WNK3: variants seen among roughly 807,000 people sequenced by gnomAD.
WNK3 encodes the protein WNK lysine deficient protein kinase 3, also known as serine/threonine-protein kinase WNK3.
WNK3 carries 18 observed loss-of-function variants against 116.7 expected under a neutral mutation model. The ratio of observed to expected loss-of-function variants is 0.15; its 90% CI spans 0.11 to 0.23. WNK3 has a LOEUF of 0.23. Ranked by LOEUF, WNK3 falls within the 10% of genes least tolerant of loss-of-function variation. WNK3 has a pLI of 1.00. For synonymous variants in WNK3, 404 were observed against 469.4 expected, an observed-to-expected ratio of 0.86 and a Z score of 1.80; for missense variants, 993 against 1,323.8, an observed-to-expected ratio of 0.75 and a Z score of 3.88.
chrX:54,242,472 T>C (rs1480499214), intron 17 of WNK3, among the ~76,000 whole-genome samples: 1 of 111,984 alleles, frequency 8.9e-6, no homozygotes, highest in Admixed American at 9.5e-5. Flanking sequence ...AGCCAAAAAA[T>C]ATTTAAAAAG....
intron 21 of WNK3, among the ~76,000 whole-genome samples, chrX:54,229,059 A>G (rs782549479): frequency 8.9e-6 from 1 of 111,900 alleles, no homozygotes; most frequent in Non-Finnish European, 1.9e-5. Context: ...CAAAGAATCT[A>G]TAAGAAAACT....
chrX:54,225,094 A>T (rs1227195017), intron 22 of WNK3, among the ~76,000 whole-genome samples: 1 of 107,748 alleles, frequency 9.3e-6, no homozygotes, highest in Admixed American at 1.0e-4. Flanking sequence ...AATAAAAAAA[A>T]AAAATAGCAG....
chrX:54,280,296 C>CAA (rs201683615), intron 10 of WNK3, among the ~76,000 whole-genome samples: 7 of 78,434 alleles, frequency 8.9e-5, no homozygotes, highest in Non-Finnish European at 1.5e-4. Context: ...GACTCTGTCT[C>CAA]AAAAAAAAAA....
At chrX:54,237,656 A>G in intron 19 of WNK3, 105 bp from the exon 20 acceptor site, 1 of 806,827 alleles carries the variant, frequency 1.2e-6, no homozygotes, top group Non-Finnish European at 1.7e-6. Context: ...TTTAATCTAT[A>G]CCCCCAAATT....
In WNK3 at chrX:54,226,246, G is replaced by T. The variant is rs537234677; in HGVS notation, c.4870+2468C>A. 1.5e-4 allele frequency among the ~76,000 whole-genome samples: 17 copies of T among 109,968 alleles called. No individual in the cohort carries two copies. In the South Asian group the frequency reaches 5.4e-3, roughly 35 times the overall value. On this transcript the variant is annotated intron_variant, in intron 22 of 23. Transcript: ENST00000354646. ...GCACTTTGGGAGGCCGAAGCGGGTGGAACACCTGAGGTCAGGAGTTCGAGA... is the reference window on the plus strand; with the variant it reads ...GCACTTTGGGAGGCCGAAGCGGGTGTAACACCTGAGGTCAGGAGTTCGAGA...
chrX:54,238,123 C>T (rs1207914261), intron 19 of WNK3, among the ~76,000 whole-genome samples: 2 of 110,441 alleles, frequency 1.8e-5, no homozygotes, highest in Non-Finnish European at 3.8e-5. Flanking sequence ...ATCCCAGCTA[C>T]TCGGGAGGCT....
At chrX:54,265,918 C>A (rs1273401729) in intron 10 of WNK3, among the ~76,000 whole-genome samples, 1 of 110,793 alleles carries the variant, frequency 9.0e-6, no homozygotes, top group East Asian at 2.9e-4. Context: ...GTGGCGGGTG[C>A]CTGTACTCCC....
At chrX:54,317,033 G>A (rs1423586688) in intron 2 of WNK3, among the ~76,000 whole-genome samples, 2 of 111,382 alleles carry the variant, frequency 1.8e-5, no homozygotes, top group African/African-American at 6.5e-5. Flanking sequence ...TAGCCAAAAC[G>A]TAGAAACAAC....
chrX:54,335,150 A>G (rs1557175168), intron 1 of WNK3, among the ~76,000 whole-genome samples: 1 of 110,145 alleles, frequency 9.1e-6, no homozygotes, highest in East Asian at 2.8e-4. Flanking sequence ...CTGTAATCCC[A>G]GCTACCCGGG....
chrX:54,215,116 C>CAAA (rs60946524), intron 22 of WNK3, among the ~76,000 whole-genome samples: 9 of 29,324 alleles, frequency 3.1e-4, no homozygotes, highest in South Asian at 2.3e-3. Context: ...GACTCCATCT[C>CAAA]AAAAAAAAAA....
chrX:54,277,882 C>T (rs2068468951), intron 10 of WNK3, among the ~76,000 whole-genome samples: 2 of 110,174 alleles, frequency 1.8e-5, no homozygotes, highest in African/African-American at 6.6e-5. Context: ...CGCTTGAGCC[C>T]GGGAATTCAA....
At chrX:54,264,600 C>T (rs1557157287) in intron 10 of WNK3, among the ~76,000 whole-genome samples, 2 of 111,063 alleles carry the variant, frequency 1.8e-5, no homozygotes, top group Non-Finnish European at 3.8e-5. Context: ...AAGACTGACA[C>T]ATAAAAGAGT....
chrX:54,355,612 G>A (rs781970072), intron 1 of WNK3, among the ~76,000 whole-genome samples: 1 of 110,157 alleles, frequency 9.1e-6, no homozygotes, highest in East Asian at 2.8e-4. Context: ...TCCAGGTAGA[G>A]GGGGACATCA....
chrX:54,244,054 T>C (rs2068050854), intron 17 of WNK3, among the ~76,000 whole-genome samples: 1 of 111,782 alleles, frequency 8.9e-6, no homozygotes, highest in African/African-American at 3.2e-5. Context: ...AAAGCAGATT[T>C]GTGGTTGCAA....
chrX:54,336,262 G>A (rs369577269), intron 1 of WNK3, among the ~76,000 whole-genome samples: 3 of 111,093 alleles, frequency 2.7e-5, no homozygotes, highest in African/African-American at 9.8e-5. Flanking sequence ...GGAGGATGCA[G>A]TGAGCTGAGA....
chrX:54,236,869 C>G, intron 20 of WNK3, 69 bp downstream of exon 20: 1 of 1,081,963 alleles, frequency 9.2e-7, no homozygotes, highest in Non-Finnish European at 1.2e-6. Context: ...AAATTAGTTA[C>G]CAATCCAATA....
intron 5 of WNK3, among the ~76,000 whole-genome samples, chrX:54,306,336 T>C (rs2068824876): frequency 9.0e-6 from 1 of 111,452 alleles, no homozygotes; most frequent in East Asian, 2.8e-4. Context: ...CAAACAGATA[T>C]ATGCATGCCT....
At chrX:54,224,934 T>C (rs782470976) in intron 22 of WNK3, among the ~76,000 whole-genome samples, 1 of 110,545 alleles carries the variant, frequency 9.0e-6, no homozygotes, top group Non-Finnish European at 1.9e-5. Context: ...AACAGAGAAA[T>C]AGAAGACTTG....
chrX:54,324,127 C>A (rs2069070113), intron 2 of WNK3, among the ~76,000 whole-genome samples: 1 of 111,548 alleles, frequency 9.0e-6, no homozygotes, highest in African/African-American at 3.3e-5. Flanking sequence ...TCATTGTCAG[C>A]AACTGCATCA....
Sources: allele counts gnomAD v4.1 joint callset (sites outside exome capture counted in the v4.1 genomes callset), GRCh38; gene constraint gnomAD v4.1.1; transcripts MANE v1.5; gene names NCBI Gene and HGNC (gene_info 2026-07-23, HGNC 2026-07-21).